Variants in SGCD observed in about 807,000 individuals in gnomAD.
SGCD encodes sarcoglycan delta.
In SGCD, 18 loss-of-function variants were observed where a neutral mutation model predicts 36.6. That is an observed-to-expected ratio of 0.49 (90% confidence interval 0.34 to 0.73). The LOEUF is 0.73. Among genes scored for constraint, SGCD ranks in the 30% least tolerant of loss-of-function variants. The pLI, the probability that SGCD is intolerant of heterozygous loss-of-function variation, is 0.01. For missense variants in SGCD, 387 were observed against 346.7 expected (o/e 1.12, Z -0.92); for synonymous variants, 133 against 130.6 (o/e 1.02, Z -0.12).
chr5:156,058,868 C>T (rs1161799341), intron 1 of SGCD, among the ~76,000 whole-genome samples: 1 of 144,988 alleles, frequency 6.9e-6, no homozygotes, highest in East Asian at 1.9e-4. Flanking sequence ...CAAGATTGGC[C>T]GTGAGTTATT....
At chr5:156,027,931 A>G (rs256626) in intron 1 of SGCD, among the ~76,000 whole-genome samples, 55,102 of 152,028 alleles carry the variant, frequency 0.36, 10,461 homozygotes, top group East Asian at 0.46. Context: ...AGTGCCTTAA[A>G]CACTGTATAC....
At chr5:156,308,073 A>T (rs977869628) in intron 3 of SGCD, among the ~76,000 whole-genome samples, 1 of 152,154 alleles carries the variant, frequency 6.6e-6, no homozygotes, top group Non-Finnish European at 1.5e-5. Flanking sequence ...ATTTACCTTT[A>T]TTAAGAACTT....
intron 3 of SGCD, among the ~76,000 whole-genome samples, chr5:156,494,782 G>T (rs1231134318): frequency 6.6e-6 from 1 of 152,026 alleles, no homozygotes; most frequent in Non-Finnish European, 1.5e-5. Flanking sequence ...TGTAGAGGGG[G>T]TGTGATTCAA....
intron 3 of SGCD, among the ~76,000 whole-genome samples, chr5:156,283,322 T>A (rs752034153): frequency 1.6e-4 from 25 of 152,208 alleles, no homozygotes; most frequent in Non-Finnish European, 3.5e-4. Context: ...CAAATTGAAC[T>A]GTTCTCTGGT....
At chr5:155,733,120 A>G in the SGCD span, among the ~76,000 whole-genome samples, 1 of 152,074 alleles carries the variant, frequency 6.6e-6, no homozygotes, top group African/African-American at 2.4e-5. Flanking sequence ...TACTTGACAC[A>G]AAATGATGCC....
At chr5:155,790,671 A>C in the SGCD span, among the ~76,000 whole-genome samples, 1 of 152,088 alleles carries the variant, frequency 6.6e-6, no homozygotes, top group Non-Finnish European at 1.5e-5. Flanking sequence ...AATTGGTATA[A>C]AAGACCTCTT....
the SGCD span, among the ~76,000 whole-genome samples, chr5:155,744,857 A>C: frequency 2.0e-5 from 3 of 152,248 alleles, no homozygotes; most frequent in African/African-American, 7.2e-5. Flanking sequence ...TCTAAAACCG[A>C]TGAATGATGT....
intron 3 of SGCD, among the ~76,000 whole-genome samples, chr5:156,272,732 G>A (rs1429899197): frequency 6.6e-6 from 1 of 152,156 alleles, no homozygotes; most frequent in Admixed American, 6.6e-5. Flanking sequence ...TAATATTCAA[G>A]AGTCATGAAA....
intron 1 of SGCD, among the ~76,000 whole-genome samples, chr5:155,921,339 C>T (rs550120650): frequency 1.3e-4 from 20 of 152,158 alleles, no homozygotes; most frequent in Admixed American, 3.3e-4. Flanking sequence ...CCAAATAGGA[C>T]GCAGTGTGTA....
chr5:155,786,986 C>T, the SGCD span, among the ~76,000 whole-genome samples: 1 of 152,188 alleles, frequency 6.6e-6, no homozygotes, highest in South Asian at 2.1e-4. Flanking sequence ...GAGGACCCAC[C>T]TTCATCAGAA....
the SGCD span, among the ~76,000 whole-genome samples, chr5:155,818,817 G>T: frequency 3.3e-5 from 5 of 152,260 alleles, no homozygotes; most frequent in African/African-American, 1.2e-4. Flanking sequence ...CGCCATGCTT[G>T]GCTGGGAATG....
At position 156,268,520 on chromosome 5, in the gene SGCD, A is replaced by C. The variant is rs141118857; in HGVS notation, c.-43-61014A>C. On this transcript the variant is annotated intron_variant, in intron 3 of 9. Transcript: ENST00000517913. ...ATTTTTTGAGTTTTTAATAGTAGCC[A>C]TTCTAACTGGTGTGAGATGCTATCT... Among the ~76,000 whole-genome samples, 301 of 152,216 alleles carry C rather than the reference A, an allele frequency of 2.0e-3. 1 individual carries two copies. The highest frequency in any genetic ancestry group is 6.7e-3 in the African/African-American group (280 of 41,554).
At chr5:155,915,516 C>T (rs1012579353) in intron 1 of SGCD, among the ~76,000 whole-genome samples, 1 of 152,054 alleles carries the variant, frequency 6.6e-6, no homozygotes, top group Non-Finnish European at 1.5e-5. Context: ...GGATGAAATC[C>T]ATAAAATCAA....
chr5:156,342,836 A>G (rs532167838), intron 2 of SGCD, among the ~76,000 whole-genome samples: 2 of 152,368 alleles, frequency 1.3e-5, no homozygotes, highest in Admixed American at 1.3e-4. Flanking sequence ...CTGGTAGCAG[A>G]TGGGAAATCA....
At chr5:155,887,994 A>C (rs945464240) in intron 1 of SGCD, among the ~76,000 whole-genome samples, 2 of 152,240 alleles carry the variant, frequency 1.3e-5, no homozygotes, top group African/African-American at 4.8e-5. Flanking sequence ...TAACATCTGC[A>C]GTGTTACACA....
chr5:156,604,751 C>CATTTTATATGTATATATACATATATACAA (rs1207758391), intron 6 of SGCD, among the ~76,000 whole-genome samples: 67 of 148,122 alleles, frequency 4.5e-4, no homozygotes, highest in Non-Finnish European at 7.1e-4. Context: ...CATATATACA[C>CATTTTATATGTATATATACATATATACAA]ATTTTATATG....
At chr5:156,446,192 T>G (rs1472331598) in intron 3 of SGCD, among the ~76,000 whole-genome samples, 1 of 152,116 alleles carries the variant, frequency 6.6e-6, no homozygotes, top group African/African-American at 2.4e-5. Flanking sequence ...CAAAATTAAT[T>G]TACTTTTGTC....
intron 2 of SGCD, among the ~76,000 whole-genome samples, chr5:156,335,629 C>G (rs1016340951): frequency 6.6e-6 from 1 of 152,152 alleles, no homozygotes; most frequent in African/African-American, 2.4e-5. Context: ...CCTGTCTCTT[C>G]CCCTATCATT....
chr5:156,694,007 C>G (rs1318483477), intron 7 of SGCD, among the ~76,000 whole-genome samples: 2 of 152,234 alleles, frequency 1.3e-5, no homozygotes, highest in Admixed American at 1.3e-4. Context: ...TATCATTGTA[C>G]TTGCAATGAC....
Sources: allele counts gnomAD v4.1 joint callset (sites outside exome capture counted in the v4.1 genomes callset), GRCh38; gene constraint gnomAD v4.1.1; transcripts MANE v1.5; gene names NCBI Gene and HGNC (gene_info 2026-07-23, HGNC 2026-07-21).